The following CNNM1 variants were observed in gnomAD, a reference collection of about 807,000 sequenced individuals.
CNNM1 encodes the protein cyclin and CBS domain divalent metal cation transport mediator 1, also known as metal transporter CNNM1.
CNNM1 carries 44 observed loss-of-function variants against 78.8 expected under a neutral mutation model. The ratio of observed to expected loss-of-function variants is 0.56; its 90% CI spans 0.44 to 0.72. The LOEUF (loss-of-function observed/expected upper bound fraction) is 0.72. Among genes scored for constraint, CNNM1 ranks in the 30% least tolerant of loss-of-function variants. The pLI is 0.00. For missense variants in CNNM1, 1,101 were observed against 1,292.2 expected (o/e 0.85, Z 2.27); for synonymous variants, 584 against 581.5 (o/e 1.00, Z -0.06).
chr10:99,340,197 A>G (rs1275800187), intron 1 of CNNM1, among the ~76,000 whole-genome samples: 1 of 152,226 alleles, frequency 6.6e-6, no homozygotes, highest in Non-Finnish European at 1.5e-5. Flanking sequence ...TGTGATTGTT[A>G]TAATGTTGTT....
chr10:99,330,674 G>A lies in CNNM1; in HGVS notation c.1287G>A (p.Val429=), dbSNP rs1204964619. The A allele has an allele frequency of 6.2e-7, 1 of 1,613,998 alleles. No homozygotes were observed. The highest frequency in any genetic ancestry group is 1.3e-5 in the African/African-American group (1 of 75,050). ...QGALELRTKV[V]EEVLTPLGDC... ...CCCTGGAGCTGCGCACCAAAGTTGTGGAGGAGGTGCTGACCCCCCTGGGAG... is the reference window on the plus strand; with the variant it reads ...CCCTGGAGCTGCGCACCAAAGTTGTAGAGGAGGTGCTGACCCCCCTGGGAG... The change falls in exon 1 of 11, where the codon GTG becomes GTA. Residue 429 remains valine (V), a synonymous_variant. Transcript: ENST00000356713.
intron 1 of CNNM1, among the ~76,000 whole-genome samples, chr10:99,344,125 G>A (rs1015134236): frequency 1.3e-5 from 2 of 150,788 alleles, no homozygotes; most frequent in African/African-American, 4.9e-5. Flanking sequence ...CTGAGGTCAG[G>A]CGTTCAAGAC....
intron 9 of CNNM1, 134 bp downstream of exon 9, chr10:99,388,435 A>C: frequency 1.0e-6 from 1 of 964,156 alleles, no homozygotes; most frequent in Non-Finnish European, 1.5e-6. Flanking sequence ...CTCCTTACAC[A>C]GCCAGGGAAA....
At chr10:99,357,730 A>T (rs2031272616) in intron 2 of CNNM1, 75 bp downstream of exon 2, 1 of 1,410,126 alleles carries the variant, frequency 7.1e-7, no homozygotes, top group African/African-American at 1.4e-5. Flanking sequence ...GCCTCATTTG[A>T]TTTATAGAAA....
chr10:99,340,699 C>T (rs888900735), intron 1 of CNNM1, among the ~76,000 whole-genome samples: 13 of 151,880 alleles, frequency 8.6e-5, no homozygotes, highest in African/African-American at 2.4e-4. Context: ...CAATTCTTTT[C>T]TTTCTTTCTC....
rs777346802 is a variant in CNNM1 at position 99,364,936 on chromosome 10, T to C, written c.2129-19T>C. 1.9e-6 allele frequency: 3 copies of C among 1,611,442 alleles called. No individual in the cohort carries two copies. The highest frequency in any genetic ancestry group is 2.7e-5 in the African/African-American group (2 of 74,894). ...TTTCTGAGTTGCCTCTGAAACCCAC[T>C]GCATGCTTCTGTCCTTAGATAATGA... On this transcript the variant is annotated intron_variant, in intron 5 of 10. Transcript: ENST00000356713.
At chr10:99,365,371 A>G (rs759439751) in intron 6 of CNNM1, among the ~76,000 whole-genome samples, 6 of 152,220 alleles carry the variant, frequency 3.9e-5, no homozygotes, top group Non-Finnish European at 7.3e-5. Flanking sequence ...CCTTTACTCA[A>G]ACACTGTCAT....
chr10:99,329,437 A>C lies in CNNM1; in HGVS notation c.50A>C (p.Asp17Ala). 1 of 1,200,456 alleles carries C rather than the reference A, an allele frequency of 8.3e-7. No homozygotes were observed. Among genetic ancestry groups the C allele is most frequent in the Non-Finnish European group, 1.1e-6 (1 of 869,898 alleles). The allele number at this position is 1,200,456 out of a possible 1,614,324, so 74.4% of individuals were successfully genotyped here. A position where few individuals can be genotyped will look rare whatever the true frequency, so the allele number is the denominator to read the frequency against. The change falls in exon 1 of 11, where the codon GAC becomes GCC. Residue 17 changes from aspartate (D) to alanine (A), a missense_variant. Coordinates refer to ENST00000356713, the MANE Select transcript of CNNM1 (RefSeq NM_020348.3). ...GCAGCGGTGGGTGTCAGGCTCCGGG[A>C]CTGCTGCAGCCGAGGCGCTGTGCTC... ...AAAAVGVRLR[D>A]CCSRGAVLLL...
At chr10:99,332,765 T>A (rs750530958) in intron 1 of CNNM1, among the ~76,000 whole-genome samples, 9 of 152,202 alleles carry the variant, frequency 5.9e-5, no homozygotes, top group Non-Finnish European at 8.8e-5. Context: ...TTTGTGTTGG[T>A]ATGATGAGAA....
rs762802078 is a variant in CNNM1, at chr10:99,360,903, C to A, written c.1786C>A (p.Leu596Ile). 2 of 1,613,296 alleles carry A rather than the reference C, an allele frequency of 1.2e-6. No homozygotes were observed. Among genetic ancestry groups the A allele is most frequent in the Admixed American group, 3.3e-5 (2 of 59,992 alleles). The change falls in exon 3 of 11, where the codon CTT becomes ATT. Residue 596 changes from leucine (L) to isoleucine (I), a missense_variant. Leu to Ile is a conservative substitution (Grantham distance 5). Coordinates refer to ENST00000356713, the MANE Select transcript of CNNM1 (RefSeq NM_020348.3). ...RKRHDFSLFK[L>I]SDTEMRVKIS... is the part of the protein sequence containing the mutation. The stretch of plus-strand genomic sequence containing the variant: ...GCGGCATGACTTCTCCTTGTTTAAG[C>A]TTTCGGACACGGAGATGCGGGTGAA...
intron 1 of CNNM1, among the ~76,000 whole-genome samples, chr10:99,337,381 C>T (rs2030236661): frequency 1.3e-5 from 2 of 152,208 alleles, no homozygotes; most frequent in African/African-American, 4.8e-5. Flanking sequence ...CCTCCAGCCT[C>T]ATCGCTCACC....
rs1042273504 is a variant in CNNM1 at position 99,364,495 on chromosome 10, A to G, written c.2107A>G (p.Ile703Val). Reference sequence around the variant, plus strand: ...CTTTACTTACTATGGCGTCCCAGCCATCATGACCACTGCTTGCTCAGGTAT... The same window carrying G: ...CTTTACTTACTATGGCGTCCCAGCCGTCATGACCACTGCTTGCTCAGGTAT... ...GAFTYYGVPA[I>V]MTTACSDNDV... Residue 703 changes from isoleucine to valine, a missense_variant, in exon 5 of 11, where the codon ATC becomes GTC. Physicochemically the swap from Ile to Val is conservative, Grantham distance 29 (BLOSUM62 3). Around this residue, in one of 3 missense-constraint regions of CNNM1, gnomAD observed 348 missense variants for 384.5 expected, o/e 0.90. Transcript: ENST00000356713. The G allele has an allele frequency of 6.2e-7, 1 of 1,611,806 alleles. No homozygotes were observed. The highest frequency in any genetic ancestry group is 1.3e-5 in the African/African-American group (1 of 74,874).
chr10:99,333,486 A>C (rs2030022842), intron 1 of CNNM1, among the ~76,000 whole-genome samples: 1 of 152,174 alleles, frequency 6.6e-6, no homozygotes, highest in Non-Finnish European at 1.5e-5. Context: ...CTGTGATTAC[A>C]GGAGTGCACC....
In CNNM1 at chr10:99,368,708, C is replaced by T. The variant is rs538270274; in HGVS notation, c.2176+3706C>T. ...AAACATGCATGGGTGTCTCGGGTCT[C>T]TGTAGATCCAGAGGGGTTTGCAAGA... On this transcript the variant is annotated intron_variant, in intron 6 of 10. Transcript: ENST00000356713. 933 of 1,286,714 alleles carry T rather than the reference C, an allele frequency of 7.3e-4. 14 individuals are homozygous for T. The South Asian group carries it at 0.011, about 15-fold the overall frequency. The allele number at this position is 1,286,714 out of a possible 1,614,324, so 79.7% of individuals were successfully genotyped here.
intron 1 of CNNM1, among the ~76,000 whole-genome samples, chr10:99,334,763 C>G (rs1205028964): frequency 6.6e-6 from 1 of 152,160 alleles, no homozygotes; most frequent in Non-Finnish European, 1.5e-5. Context: ...CAAATCCCTT[C>G]GAAGGTAGAA....
intron 1 of CNNM1, among the ~76,000 whole-genome samples, chr10:99,350,426 A>G (rs1227276047): frequency 6.6e-6 from 1 of 152,180 alleles, no homozygotes; most frequent in East Asian, 1.9e-4. Context: ...TGAAGAAGAG[A>G]GGAAGCAAAT....
At chr10:99,343,993 G>T (rs1303103115) in intron 1 of CNNM1, among the ~76,000 whole-genome samples, 4 of 150,704 alleles carry the variant, frequency 2.7e-5, no homozygotes, top group Non-Finnish European at 5.9e-5. Flanking sequence ...AAAGTGCTGG[G>T]ATTACAGGCA....
intron 3 of CNNM1, 46 bp downstream of exon 3, chr10:99,361,021 G>T: frequency 6.5e-7 from 1 of 1,547,650 alleles, no homozygotes; most frequent in Admixed American, 1.9e-5. Context: ...GAATCTCTAG[G>T]GTGGGACCCA....
chr10:99,375,646 A>G (rs2031940079), intron 6 of CNNM1, among the ~76,000 whole-genome samples: 1 of 152,226 alleles, frequency 6.6e-6, no homozygotes, highest in Non-Finnish European at 1.5e-5. Context: ...TAGATCATCA[A>G]CCTTCCATGA....
Sources: gnomAD v4.1 joint callset for allele counts (sites outside exome capture counted in the v4.1 genomes callset) on GRCh38, gnomAD v4.1.1 for gene constraint, gnomAD v4.1.1 regional missense constraint, MANE v1.5 for transcripts, NCBI Gene and HGNC (gene_info 2026-07-23, HGNC 2026-07-21) for gene names.